ABCA4: variants seen among roughly 807,000 people sequenced by gnomAD.
ABCA4 encodes ATP binding cassette subfamily A member 4.
Under a neutral mutation model 263.7 loss-of-function variants are expected in ABCA4, and 196 were observed. The ratio of observed to expected loss-of-function variants is 0.74; its 90% CI spans 0.66 to 0.84. The LOEUF (loss-of-function observed/expected upper bound fraction) is 0.84, where lower values mean the gene tolerates loss of function less well. Ranked by LOEUF, ABCA4 falls within the 40% of genes least tolerant of loss-of-function variation. The pLI, the probability that ABCA4 is intolerant of heterozygous loss-of-function variation, is 0.00. For synonymous variants in ABCA4, 1,133 were observed against 1,094.2 expected, an observed-to-expected ratio of 1.04 and a Z score of -0.70; for missense variants, 2,792 against 2,855.1, an observed-to-expected ratio of 0.98 and a Z score of 0.50.
intron 1 of ABCA4, among the ~76,000 whole-genome samples, chr1:94,116,968 C>CTTTCTCTTTCTTTCTT (rs764312285): frequency 3.0e-5 from 3 of 99,940 alleles, no homozygotes; most frequent in Non-Finnish European, 5.9e-5. Context: ...TTCTTTCTTT[C>CTTTCTCTTTCTTTCTT]TCTTTCTTTC....
chr1:94,008,994 C>A (rs901670876), intron 40 of ABCA4, 123 bp from the exon 41 acceptor site: 18 of 1,413,272 alleles, frequency 1.3e-5, no homozygotes, highest in Non-Finnish European at 1.6e-5. Context: ...TCCTTTAAGA[C>A]TTAAATTCTA....
Position 94,008,759 on chromosome 1 carries a change from G to C in ABCA4, c.5827C>G (p.Leu1943Val). 1 of 1,614,018 alleles carries C rather than the reference G, an allele frequency of 6.2e-7. No individual in the cohort carries two copies. The highest frequency in any genetic ancestry group is 8.5e-7 in the Non-Finnish European group (1 of 1,179,982). ...NKTDILRLHE[L>V]TKIYPGTSSP... ...CATACCCATTCCCTTACCTTGGTTA[G>C]TTCATGTAGCCTTAAGATGTCAGTT... The change falls in exon 41 of 50, where the codon CTA (leucine) becomes GTA (valine). Residue 1943 changes from leucine (L) to valine (V), a missense_variant. Transcript: ENST00000370225.
At chr1:94,120,950 C>G (rs756060783) in intron 1 of ABCA4, 30 bp downstream of exon 1, 2 of 1,518,172 alleles carry the variant, frequency 1.3e-6, no homozygotes. Flanking sequence ...CTCCACACCT[C>G]ATTTTTAAAC....
intron 18 of ABCA4, 33 bp from the exon 19 acceptor site, chr1:94,047,126 A>G (rs1660709107): frequency 6.2e-7 from 1 of 1,610,938 alleles, no homozygotes; most frequent in Non-Finnish European, 8.5e-7. Context: ...TGATGTAAAC[A>G]TAATGCCTAA....
chr1:94,032,235 T>C (rs1056468349), intron 26 of ABCA4, among the ~76,000 whole-genome samples, 192 bp from the exon 27 acceptor site: 1 of 152,186 alleles, frequency 6.6e-6, no homozygotes, highest in African/African-American at 2.4e-5. Flanking sequence ...AGAAATTGTA[T>C]AGATTCACCT....
chr1:94,032,962 CAG>C (rs2101038403), intron 26 of ABCA4, among the ~76,000 whole-genome samples: 1 of 152,284 alleles, frequency 6.6e-6, no homozygotes, highest in African/African-American at 2.4e-5. Context: ...AATGAAAAAT[CAG>C]AGTCGATGTG....
intron 4 of ABCA4, among the ~76,000 whole-genome samples, chr1:94,107,759 G>A (rs1423595413): frequency 6.6e-6 from 1 of 152,058 alleles, no homozygotes; most frequent in Non-Finnish European, 1.5e-5. Flanking sequence ...GCATCTGGGG[G>A]CCAGTCATCA....
intron 37 of ABCA4, 94 bp from the exon 38 acceptor site, chr1:94,014,784 G>T: frequency 2.0e-6 from 3 of 1,515,666 alleles, no homozygotes; most frequent in Non-Finnish European, 2.7e-6. Context: ...TACACCTGAG[G>T]TGATGTGTGT....
At chr1:94,095,967 C>G (rs1029768898) in intron 6 of ABCA4, among the ~76,000 whole-genome samples, 1 of 151,964 alleles carries the variant, frequency 6.6e-6, no homozygotes, top group Non-Finnish European at 1.5e-5. Flanking sequence ...GGCCATCTCC[C>G]GGTCCACTGC....
chr1:94,029,664 G>A (rs72958466), intron 29 of ABCA4, 33 bp from the exon 30 acceptor site: 6 of 1,596,810 alleles, frequency 3.8e-6, no homozygotes, highest in Non-Finnish European at 5.1e-6. Flanking sequence ...TCCATAATCA[G>A]CCTCAAAGTT....
chr1:94,042,873 A>C lies in ABCA4; in HGVS notation c.3216T>G (p.Val1072=). 6.2e-7 allele frequency: 1 copy of C among 1,614,212 alleles called. No individual in the cohort carries two copies. Among genetic ancestry groups the C allele is most frequent in the Non-Finnish European group, 8.5e-7 (1 of 1,180,040 alleles). The change falls in exon 22 of 50, where the codon GTT becomes GTG. Residue 1072 remains valine, a synonymous_variant. Coordinates refer to ENST00000370225, the MANE Select transcript of ABCA4 (RefSeq NM_000350.3). ...LSGGMQRKLS[V]AIAFVGDAKV... ...TGGCATCTCCCACAAAGGCAATGGC[A>C]ACCGACAGCTTTCTCTGCATGCCAC...
intron 19 of ABCA4, among the ~76,000 whole-genome samples, chr1:94,046,337 C>T (rs568813210): frequency 6.8e-6 from 1 of 146,662 alleles, no homozygotes; most frequent in African/African-American, 2.5e-5. Flanking sequence ...TGGTATGCAC[C>T]TGTAGTCCCA....
intron 24 of ABCA4, 130 bp from the exon 25 acceptor site, chr1:94,037,480 C>T: frequency 1.2e-6 from 1 of 833,278 alleles, no homozygotes. Flanking sequence ...GGCAGTGACT[C>T]TTTCAGAGGA....
intron 17 of ABCA4, among the ~76,000 whole-genome samples, chr1:94,049,235 G>A (rs1303423798): frequency 2.6e-5 from 4 of 152,150 alleles, no homozygotes; most frequent in Non-Finnish European, 5.9e-5. Context: ...AAGAAAACCA[G>A]GTTTGAATTT....
At chr1:94,022,946 G>T (rs970110367) in intron 32 of ABCA4, among the ~76,000 whole-genome samples, 3 of 152,146 alleles carry the variant, frequency 2.0e-5, no homozygotes, top group Admixed American at 6.5e-5. Context: ...ACTTGGTGAG[G>T]TTCTAAACCT....
chr1:94,021,158 C>T (rs190025325), intron 35 of ABCA4, 82 bp downstream of exon 35: 32 of 1,589,000 alleles, frequency 2.0e-5, no homozygotes, highest in African/African-American at 4.0e-5. Context: ...CAGCACTTCG[C>T]GGTGGTGAGA....
chr1:94,047,937 C>T (rs539435), intron 18 of ABCA4, among the ~76,000 whole-genome samples: 3 of 152,084 alleles, frequency 2.0e-5, no homozygotes, highest in East Asian at 1.9e-4. Flanking sequence ...CTAAGCATTT[C>T]TTTCCCTAGG....
intron 31 of ABCA4, among the ~76,000 whole-genome samples, chr1:94,024,342 T>C (rs1050417384): frequency 2.0e-5 from 3 of 152,166 alleles, no homozygotes; most frequent in African/African-American, 7.2e-5. Context: ...TGGATGGGGC[T>C]GATAAGAACA....
intron 1 of ABCA4, among the ~76,000 whole-genome samples, chr1:94,117,183 G>A (rs188677069): frequency 1.1e-4 from 17 of 151,992 alleles, no homozygotes; most frequent in Admixed American, 9.8e-4. Flanking sequence ...TTTTAGAACT[G>A]AGCCTGTTAA....
Sources: allele counts gnomAD v4.1 joint callset (sites outside exome capture counted in the v4.1 genomes callset), GRCh38; gene constraint gnomAD v4.1.1; transcripts MANE v1.5; gene names NCBI Gene and HGNC (gene_info 2026-07-23, HGNC 2026-07-21).